Variants in LTA4H observed in about 807,000 individuals in gnomAD.
LTA4H encodes the protein leukotriene A-4 hydrolase.
In LTA4H, 59 loss-of-function variants were observed where a neutral mutation model predicts 89.8. The observed-to-expected ratio is 0.66, with a 90% CI of 0.53 to 0.82. The LOEUF is 0.82. LTA4H is among the 40% of genes least tolerant of loss of function. LTA4H has a pLI of 0.00. For missense variants in LTA4H, 617 were observed against 727.0 expected (o/e 0.85, Z 1.74); for synonymous variants, 227 against 253.1 (o/e 0.90, Z 0.98).
intron 10 of LTA4H, among the ~76,000 whole-genome samples, chr12:96,016,298 C>CAAA (rs762615863): frequency 3.6e-4 from 20 of 55,522 alleles, no homozygotes; most frequent in African/African-American, 7.8e-4. Context: ...GACTCCATCT[C>CAAA]AAAAAAAAAA....
At chr12:96,018,363 A>G (rs566123416) in intron 8 of LTA4H, among the ~76,000 whole-genome samples, 4 of 152,184 alleles carry the variant, frequency 2.6e-5, no homozygotes, top group Non-Finnish European at 5.9e-5. Context: ...ACCCTGGCCA[A>G]TATAGTGAAA....
chr12:96,021,666 A>AAC (rs60322768), intron 5 of LTA4H, among the ~76,000 whole-genome samples: 2,466 of 147,212 alleles, frequency 0.017, 23 homozygotes, highest in East Asian at 0.029. Context: ...CAATTAAGAA[A>AAC]ACACACACAC....
chr12:96,022,586 A>G lies in LTA4H; in HGVS notation c.481-335T>C, dbSNP rs1312571554. 6.6e-6 allele frequency among the ~76,000 whole-genome samples: 1 copy of G among 152,184 alleles called. No individual in the cohort carries two copies. Among genetic ancestry groups the G allele is most frequent in the Non-Finnish European group, 1.5e-5 (1 of 68,030 alleles). ...CTTTAAAAGTGAATGTGAAATTTCT[A>G]TCCATTCACCCATGCACATTAAGAG... is the stretch of plus-strand genomic sequence containing the variant. On this transcript the variant is annotated intron_variant, in intron 4 of 18. Transcript: ENST00000228740. The surrounding 1 kb of genome is among the most constrained non-coding windows in gnomAD (Gnocchi z 4.0).
In LTA4H at chr12:96,041,703, AC is replaced by A. The variant is rs569640630; in HGVS notation, c.87+1585del. ...GTCGCCCAGGCCGGAGTGCAGTGGC[AC>A]AATCTCGGCTCACTGCAAGCTCCGC... On this transcript the variant is annotated intron_variant, in intron 1 of 17. Transcript: ENST00000413268. Among the ~76,000 whole-genome samples the A allele has an allele frequency of 7.2e-3, 1,100 of 152,304 alleles. 15 individuals carry two copies. The highest frequency in any genetic ancestry group is 0.025 in the African/African-American group (1,045 of 41,566).
In LTA4H at chr12:96,029,156, T is replaced by A; in HGVS notation, c.189A>T (p.Glu63Asp). 6.4e-7 allele frequency: 1 copy of A among 1,571,756 alleles called. No individual in the cohort carries two copies. The highest frequency in any genetic ancestry group is 1.4e-5 in the African/African-American group (1 of 73,966). The change falls in exon 2 of 19, where the codon GAA becomes GAT. Residue 63 changes from glutamate (E) to aspartate (D), a missense_variant. Around this residue, in one of 3 missense-constraint regions of LTA4H, gnomAD observed 155 missense variants for 143.3 expected, o/e 1.08. Transcript: ENST00000228740. ...CTTCTTGTCCATTGATCACTACTTT[T>A]TCTATTGTAAGGTCCTTTGTATCCA... is the stretch of plus-strand genomic sequence containing the variant. ...LVLDTKDLTI[E>D]KVVINGQEVK...
intron 1 of LTA4H, among the ~76,000 whole-genome samples, 180 bp from the exon 2 acceptor site, chr12:96,029,365 A>G (rs1481415410): frequency 2.0e-5 from 3 of 152,156 alleles, no homozygotes; most frequent in African/African-American, 7.2e-5. Flanking sequence ...GCATCTTGAA[A>G]ATTTTTGGGT....
At chr12:96,006,000 G>A (rs970255852) in intron 16 of LTA4H, among the ~76,000 whole-genome samples, 16 of 151,690 alleles carry the variant, frequency 1.1e-4, no homozygotes, top group African/African-American at 3.4e-4. Flanking sequence ...TGCTTGCCTC[G>A]GCCTCCCAAA....
At chr12:96,029,676 G>T (rs1950552584) in intron 1 of LTA4H, among the ~76,000 whole-genome samples, 1 of 152,154 alleles carries the variant, frequency 6.6e-6, no homozygotes, top group African/African-American at 2.4e-5. Flanking sequence ...TGGTAACTCA[G>T]ACCAAATGAT....
chr12:96,032,032 A>G (rs1052270934), intron 1 of LTA4H, among the ~76,000 whole-genome samples: 2 of 152,254 alleles, frequency 1.3e-5, no homozygotes, highest in Non-Finnish European at 2.9e-5. Context: ...TGAAAACAAG[A>G]TGGTTTGCAG....
intron 16 of LTA4H, among the ~76,000 whole-genome samples, chr12:96,005,808 G>A (rs756679017): frequency 2.0e-5 from 3 of 152,166 alleles, no homozygotes; most frequent in Non-Finnish European, 4.4e-5. Context: ...GAGTACAGGG[G>A]TGTGATCTCG....
intron 1 of LTA4H, 117 bp downstream of exon 1, chr12:96,035,244 G>T (rs981400162): frequency 9.6e-7 from 1 of 1,040,920 alleles, no homozygotes; most frequent in Non-Finnish European, 1.4e-6. Context: ...AGACGGGGAC[G>T]TGGGGCTAGG....
chr12:96,027,416 T>C, intron 3 of LTA4H, 28 bp downstream of exon 3: 1 of 1,550,692 alleles, frequency 6.4e-7, no homozygotes, highest in Non-Finnish European at 8.7e-7. Context: ...ATTTTCTGCA[T>C]CAGAAATCAT....
rs541629909 is a variant in LTA4H at position 96,001,138 on chromosome 12, A to G, written c.1719-32T>C. The G allele has an allele frequency of 2.0e-4, 274 of 1,370,754 alleles. 2 individuals carry two copies. Among genetic ancestry groups the G allele is most frequent in the Middle Eastern group, 7.1e-4 (4 of 5,618 alleles). The allele number at this position is 1,370,754 out of a possible 1,614,324, so 84.9% of individuals were successfully genotyped here. ...AAAAAGAAAAAATTGAAAAGAAAGA[A>G]AGGCGAGAAGGAGACAGAGGAGGAG... On this transcript the variant is annotated intron_variant, in intron 18 of 18. Transcript: ENST00000228740.
intron 1 of LTA4H, among the ~76,000 whole-genome samples, chr12:96,034,964 C>T (rs1950620857): frequency 1.3e-5 from 2 of 152,100 alleles, no homozygotes; most frequent in African/African-American, 2.4e-5. Context: ...AATGGGGAGG[C>T]CATGGAGTAA....
chr12:96,031,932 A>G (rs1317237930), intron 1 of LTA4H, among the ~76,000 whole-genome samples: 2 of 152,250 alleles, frequency 1.3e-5, no homozygotes, highest in Non-Finnish European at 2.9e-5. Context: ...GTGCAGGGAT[A>G]TGATGAAAAA....
intron 16 of LTA4H, among the ~76,000 whole-genome samples, chr12:96,004,481 C>T (rs937571578): frequency 6.6e-6 from 1 of 152,190 alleles, no homozygotes; most frequent in South Asian, 2.1e-4. Context: ...TGAATACAAA[C>T]TTCTGTATAC....
At position 96,003,939 on chromosome 12, in the gene LTA4H, A is replaced by G. The variant is rs1818912089; in HGVS notation, c.1531-19T>C. 1 of 1,498,542 alleles carries G rather than the reference A, an allele frequency of 6.7e-7. No individual in the cohort carries two copies. 92.8% of individuals were successfully genotyped at this position (1,498,542 alleles called of 1,614,324 possible). ...GAGGTGCCTAAGAGCAAAATAAAGAAGTATACCGTATCATTTCAACAGGAT... is the reference window on the plus strand; with the variant it reads ...GAGGTGCCTAAGAGCAAAATAAAGAGGTATACCGTATCATTTCAACAGGAT... On this transcript the variant is annotated intron_variant, in intron 16 of 18. Coordinates refer to ENST00000228740, the MANE Select transcript of LTA4H (RefSeq NM_000895.3).
intron 1 of LTA4H, among the ~76,000 whole-genome samples, chr12:96,034,758 T>A (rs1265283080): frequency 6.6e-6 from 1 of 152,164 alleles, no homozygotes; most frequent in African/African-American, 2.4e-5. Context: ...TCCAGGGAAC[T>A]AGGAGGGAGA....
At chr12:96,025,100 T>C (rs1259838170) in intron 3 of LTA4H, among the ~76,000 whole-genome samples, 7 of 152,214 alleles carry the variant, frequency 4.6e-5, no homozygotes, top group Non-Finnish European at 7.3e-5. Flanking sequence ...TCCTACTCTA[T>C]GGTCTGGGTG....
Sources: gnomAD v4.1 joint callset for allele counts (sites outside exome capture counted in the v4.1 genomes callset) on GRCh38, gnomAD v4.1.1 for gene constraint, gnomAD v4.1.1 regional missense constraint, Gnocchi (gnomAD v3.1) non-coding constraint, MANE v1.5 for transcripts, NCBI Gene and HGNC (gene_info 2026-07-23, HGNC 2026-07-21) for gene names.